The following GPHN variants were observed in gnomAD, a reference collection of about 807,000 sequenced individuals.
The protein encoded by GPHN is gephyrin.
GPHN carries 17 observed loss-of-function variants against 95.5 expected under a neutral mutation model. The ratio of observed to expected loss-of-function variants is 0.18; its 90% CI spans 0.12 to 0.27. GPHN has a LOEUF of 0.27. Ranked by LOEUF, GPHN falls within the 10% of genes least tolerant of loss-of-function variation. The pLI, the probability that GPHN is intolerant of heterozygous loss-of-function variation, is 1.00. For missense variants in GPHN, 660 were observed against 978.1 expected, an observed-to-expected ratio of 0.67 and a Z score of 4.34; for synonymous variants, 320 against 322.5, an observed-to-expected ratio of 0.99 and a Z score of 0.08.
the GPHN span, among the ~76,000 whole-genome samples, chr14:67,598,506 T>G: frequency 6.7e-6 from 1 of 148,358 alleles, no homozygotes; most frequent in Non-Finnish European, 1.5e-5. Flanking sequence ...CTTGGTTTCC[T>G]TCGTTCTAGG....
the GPHN span, among the ~76,000 whole-genome samples, chr14:67,530,960 T>C: frequency 2.0e-5 from 3 of 152,230 alleles, no homozygotes; most frequent in South Asian, 2.1e-4. Context: ...AAGGACTAAA[T>C]TGGCTCAGAC....
At chr14:67,153,389 G>T (rs576337203) in intron 18 of GPHN, among the ~76,000 whole-genome samples, 1 of 152,162 alleles carries the variant, frequency 6.6e-6, no homozygotes, top group African/African-American at 2.4e-5. Flanking sequence ...TTCTGGTGAG[G>T]GCCCTCTTCC....
At chr14:66,713,150 T>C (rs1021163125) in intron 2 of GPHN, among the ~76,000 whole-genome samples, 1 of 152,222 alleles carries the variant, frequency 6.6e-6, no homozygotes, top group African/African-American at 2.4e-5. Flanking sequence ...AAAAGCTCTT[T>C]ACCAGCTATG....
the GPHN span, chr14:67,585,645 C>T: frequency 7.0e-6 from 11 of 1,565,126 alleles, no homozygotes; most frequent in East Asian, 2.3e-5. Context: ...TCCTGGACCA[C>T]AACACTATGG....
chr14:67,276,188 C>G, the GPHN span, among the ~76,000 whole-genome samples: 1 of 144,858 alleles, frequency 6.9e-6, no homozygotes, highest in African/African-American at 2.7e-5. Context: ...ATTATTCTTA[C>G]TATTTTCAGG....
the GPHN span, chr14:67,380,860 A>T: frequency 5.2e-6 from 3 of 577,930 alleles, no homozygotes; most frequent in Non-Finnish European, 8.3e-6. Context: ...TGCTACATCA[A>T]CATCTATAAA....
chr14:67,358,848 G>A, the GPHN span, among the ~76,000 whole-genome samples: 1 of 152,130 alleles, frequency 6.6e-6, no homozygotes, highest in Non-Finnish European at 1.5e-5. Context: ...AAGAATTCAG[G>A]CCCCAAAAGA....
intron 4 of GPHN, among the ~76,000 whole-genome samples, chr14:66,867,879 GTCT>G (rs1324531049): frequency 5.9e-5 from 9 of 152,046 alleles, no homozygotes; most frequent in African/African-American, 2.2e-4. Flanking sequence ...TCAAAGTATG[GTCT>G]TCTGACCAGC....
chr14:66,566,135 A>G (rs1002165503), intron 1 of GPHN, among the ~76,000 whole-genome samples: 7 of 152,026 alleles, frequency 4.6e-5, no homozygotes, highest in Admixed American at 3.3e-4. Flanking sequence ...GTCTACTTCC[A>G]TCTCCCTACT....
intron 11 of GPHN, among the ~76,000 whole-genome samples, chr14:67,078,522 T>C (rs2076579203): frequency 6.6e-6 from 1 of 152,122 alleles, no homozygotes; most frequent in Non-Finnish European, 1.5e-5. Flanking sequence ...ACACTACTGC[T>C]TAGCTTCTAC....
chr14:67,180,860 C>G lies in GPHN; in HGVS notation c.2233C>G (p.Leu745Val). Residue 745 changes from leucine (L) to valine (V), a missense_variant, in exon 23 of 23, where the codon CTA (leucine) becomes GTA (valine). Physicochemically the swap from Leu to Val is conservative, Grantham distance 32. Around this residue, in one of 6 missense-constraint regions of GPHN, gnomAD observed 48 missense variants for 137.4 expected, o/e 0.35. Coordinates refer to ENST00000478722, the MANE Select transcript of GPHN (RefSeq NM_020806.5). ...GCGCAGTGCCAATGGATTGTTGATG[C>G]TACCTCCAAAGACAGAACAGTACGT... is the stretch of plus-strand genomic sequence containing the variant. ...SMRSANGLLM[L>V]PPKTEQYVEL... The G allele has an allele frequency of 6.2e-7, 1 of 1,613,742 alleles. No homozygotes were observed. Among genetic ancestry groups the G allele is most frequent in the Non-Finnish European group, 8.5e-7 (1 of 1,179,724 alleles).
intron 5 of GPHN, among the ~76,000 whole-genome samples, chr14:66,896,478 C>T (rs1455247449): frequency 6.6e-6 from 1 of 151,870 alleles, no homozygotes; most frequent in Non-Finnish European, 1.5e-5. Flanking sequence ...ATTAGACCAG[C>T]ATGATAGCAC....
intron 9 of GPHN, among the ~76,000 whole-genome samples, chr14:66,978,132 A>C (rs2070387616): frequency 1.3e-5 from 2 of 152,234 alleles, no homozygotes; most frequent in African/African-American, 4.8e-5. Flanking sequence ...AACCGTTATT[A>C]CAATCATCTG....
intron 16 of GPHN, among the ~76,000 whole-genome samples, chr14:67,116,715 C>T (rs983849477): frequency 6.6e-6 from 1 of 152,088 alleles, no homozygotes; most frequent in Non-Finnish European, 1.5e-5. Context: ...TCAAATCTGT[C>T]CAGAGTCATC....
intron 2 of GPHN, among the ~76,000 whole-genome samples, chr14:66,687,838 G>T (rs1199383865): frequency 6.6e-6 from 1 of 152,266 alleles, no homozygotes; most frequent in African/African-American, 2.4e-5. Context: ...CCATTTGTTT[G>T]TGTCCTCTTC....
chr14:67,279,149 G>A, the GPHN span: 2 of 1,529,886 alleles, frequency 1.3e-6, no homozygotes, highest in Non-Finnish European at 1.8e-6. Context: ...ATAAAAAGTG[G>A]TACAGGTTTT....
At chr14:67,605,585 G>A in the GPHN span, among the ~76,000 whole-genome samples, 742 of 152,164 alleles carry the variant, frequency 4.9e-3, 36 homozygotes, top group East Asian at 0.082. Context: ...AAATTTTATA[G>A]AACAAAATAC....
chr14:67,104,699 A>G (rs2153681781), intron 13 of GPHN, among the ~76,000 whole-genome samples: 1 of 152,154 alleles, frequency 6.6e-6, no homozygotes, highest in South Asian at 2.1e-4. Flanking sequence ...ATCAGTTGTA[A>G]TGCCTCCTTT....
intron 11 of GPHN, among the ~76,000 whole-genome samples, chr14:67,082,556 A>G (rs1270214232): frequency 6.6e-6 from 1 of 152,206 alleles, no homozygotes; most frequent in Admixed American, 6.5e-5. Context: ...TTTTGAAATC[A>G]GGAAACATGA....
Sources: allele counts gnomAD v4.1 joint callset (sites outside exome capture counted in the v4.1 genomes callset), GRCh38; gene constraint gnomAD v4.1.1; regional missense constraint gnomAD v4.1.1; transcripts MANE v1.5; gene names NCBI Gene and HGNC (gene_info 2026-07-23, HGNC 2026-07-21).